The following NBAS variants were observed in gnomAD, a reference collection of about 807,000 sequenced individuals.
NBAS encodes NAG/BC035112 fusion.
NBAS carries 219 observed loss-of-function variants against 302.5 expected under a neutral mutation model. That is an observed-to-expected ratio of 0.72 (90% CI 0.65 to 0.81). The LOEUF is 0.81. Among genes scored for constraint, NBAS ranks in the 30% least tolerant of loss-of-function variants. NBAS has a pLI of 0.00. For synonymous variants in NBAS, 1,118 were observed against 1,021.6 expected, an observed-to-expected ratio of 1.09 and a Z score of -1.80; for missense variants, 2,932 against 2,841.6, an observed-to-expected ratio of 1.03 and a Z score of -0.72.
intron 11 of NBAS, among the ~76,000 whole-genome samples, chr2:15,498,771 C>T (rs866566179): frequency 2.6e-5 from 4 of 152,120 alleles, no homozygotes; most frequent in Middle Eastern, 3.4e-3. Flanking sequence ...CTCTCTCTCT[C>T]CTGCTCCACC....
the NBAS span, among the ~76,000 whole-genome samples, chr2:14,821,462 T>G: frequency 6.6e-6 from 1 of 152,190 alleles, no homozygotes; most frequent in Non-Finnish European, 1.5e-5. Flanking sequence ...GTGTTATCAC[T>G]CTTCTCAGCT....
At chr2:15,101,411 C>G in the NBAS span, among the ~76,000 whole-genome samples, 112 of 151,850 alleles carry the variant, frequency 7.4e-4, no homozygotes, top group Non-Finnish European at 1.4e-3. Flanking sequence ...ATACAAGATA[C>G]TACATATATA....
At position 15,489,470 on chromosome 2, in the gene NBAS, G is replaced by A. The variant is rs557439641; in HGVS notation, c.955-448C>T. On this transcript the variant is annotated intron_variant, in intron 11 of 51. Transcript: ENST00000281513. ...TAAATAGGCCAAAAATTCATGCCAC[G>A]GAAAAGAAGGAAAGGAGTAGAAAAG... Among the ~76,000 whole-genome samples, 4 of 151,958 alleles carry A rather than the reference G, an allele frequency of 2.6e-5. No homozygotes were observed. The East Asian group carries it at 5.8e-4, about 22-fold the overall frequency.
At chr2:14,886,110 T>A in the NBAS span, among the ~76,000 whole-genome samples, 2 of 152,220 alleles carry the variant, frequency 1.3e-5, no homozygotes, top group South Asian at 4.2e-4. Context: ...TTTGCTAATA[T>A]CACACGCTTG....
chr2:14,874,106 C>T, the NBAS span, among the ~76,000 whole-genome samples: 1 of 151,990 alleles, frequency 6.6e-6, no homozygotes, highest in Non-Finnish European at 1.5e-5. Flanking sequence ...GAGAATGAGT[C>T]ATGAGACATT....
chr2:15,368,970 A>G (rs1405182067), intron 31 of NBAS, among the ~76,000 whole-genome samples: 3 of 152,320 alleles, frequency 2.0e-5, no homozygotes, highest in Non-Finnish European at 4.4e-5. Context: ...GTAAAAACTC[A>G]CCGATACAGT....
At chr2:15,235,444 G>T (rs926299543) in intron 45 of NBAS, among the ~76,000 whole-genome samples, 1 of 152,108 alleles carries the variant, frequency 6.6e-6, no homozygotes, top group Admixed American at 6.6e-5. Context: ...GGAAGCTATT[G>T]TTTTTTGGCA....
At chr2:15,352,838 G>C (rs1318239124) in intron 34 of NBAS, among the ~76,000 whole-genome samples, 1 of 152,050 alleles carries the variant, frequency 6.6e-6, no homozygotes, top group Non-Finnish European at 1.5e-5. Context: ...CCAGTTTCAG[G>C]GGTTTTTTTC....
At chr2:14,882,633 C>T in the NBAS span, among the ~76,000 whole-genome samples, 1 of 152,190 alleles carries the variant, frequency 6.6e-6, no homozygotes, top group Non-Finnish European at 1.5e-5. Context: ...CACATGGGTT[C>T]TGCATAAGAG....
the NBAS span, among the ~76,000 whole-genome samples, chr2:14,918,394 C>T: frequency 6.6e-6 from 1 of 151,256 alleles, no homozygotes; most frequent in African/African-American, 2.4e-5. Flanking sequence ...GTTAGTAGAG[C>T]ACAAAGAAGG....
chr2:15,394,465 T>A, intron 27 of NBAS, 116 bp from the exon 28 acceptor site: 1 of 1,056,954 alleles, frequency 9.5e-7, no homozygotes, highest in Non-Finnish European at 1.4e-6. Context: ...TATCCCATAG[T>A]GTAATCCAAT....
intron 21 of NBAS, among the ~76,000 whole-genome samples, chr2:15,458,795 A>G (rs888013214): frequency 6.6e-6 from 1 of 150,632 alleles, no homozygotes; most frequent in African/African-American, 2.5e-5. Context: ...ACAACTATAC[A>G]AAAAAACAGT....
At chr2:14,857,480 T>C in the NBAS span, among the ~76,000 whole-genome samples, 2 of 152,044 alleles carry the variant, frequency 1.3e-5, no homozygotes, top group African/African-American at 2.4e-5. Flanking sequence ...AGCAGACACA[T>C]AGATCAGTGA....
the NBAS span, among the ~76,000 whole-genome samples, chr2:15,026,617 A>G: frequency 1.3e-5 from 2 of 151,990 alleles, no homozygotes; most frequent in African/African-American, 4.8e-5. Flanking sequence ...AACCTACTTG[A>G]TCGTGTTGGA....
intron 41 of NBAS, among the ~76,000 whole-genome samples, chr2:15,291,652 G>C (rs934984076): frequency 6.6e-6 from 1 of 152,166 alleles, no homozygotes; most frequent in Non-Finnish European, 1.5e-5. Context: ...TTGACAGGGG[G>C]AAGGGACTAA....
chr2:15,155,519 T>C, the NBAS span, among the ~76,000 whole-genome samples: 1 of 152,174 alleles, frequency 6.6e-6, no homozygotes, highest in Non-Finnish European at 1.5e-5. Flanking sequence ...ACACCTCTCT[T>C]CCCCAGCTCT....
intron 32 of NBAS, among the ~76,000 whole-genome samples, chr2:15,365,174 G>A (rs1046989620): frequency 6.6e-6 from 1 of 152,160 alleles, no homozygotes; most frequent in Non-Finnish European, 1.5e-5. Flanking sequence ...GTACGTAGCA[G>A]AAAAATATTA....
chr2:15,306,109 G>C (rs879851319), intron 40 of NBAS, among the ~76,000 whole-genome samples: 3 of 152,138 alleles, frequency 2.0e-5, no homozygotes, highest in Non-Finnish European at 2.9e-5. Flanking sequence ...GAAAAGGTAA[G>C]AGTAAAATAC....
chr2:15,373,468 C>T (rs920062913), intron 31 of NBAS, among the ~76,000 whole-genome samples: 7 of 152,102 alleles, frequency 4.6e-5, no homozygotes, highest in African/African-American at 7.2e-5. Context: ...GTAGCTGGGA[C>T]TACATACGCA....
Sources: gnomAD v4.1 joint callset for allele counts (sites outside exome capture counted in the v4.1 genomes callset) on GRCh38, gnomAD v4.1.1 for gene constraint, MANE v1.5 for transcripts, NCBI Gene and HGNC (gene_info 2026-07-23, HGNC 2026-07-21) for gene names.